ASXL1: variants seen among roughly 807,000 people sequenced by gnomAD.
ASXL1 encodes the protein polycomb group protein ASXL1.
A neutral mutation model predicts 89.1 loss-of-function variants in ASXL1; 65 were observed. That is an observed-to-expected ratio of 0.73 (90% CI 0.60 to 0.90). The LOEUF (loss-of-function observed/expected upper bound fraction) is 0.90, where lower values mean the gene tolerates loss of function less well. ASXL1 is among the 40% of genes least tolerant of loss of function. The pLI is 0.00. For synonymous variants in ASXL1, 739 were observed against 746.9 expected, an observed-to-expected ratio of 0.99 and a Z score of 0.17; for missense variants, 1,786 against 1,942.9, an observed-to-expected ratio of 0.92 and a Z score of 1.52.
At chr20:32,391,774 C>T (rs1386569969) in intron 4 of ASXL1, among the ~76,000 whole-genome samples, 3 of 152,204 alleles carry the variant, frequency 2.0e-5, no homozygotes, top group African/African-American at 7.2e-5. Context: ...CAGGTGTGAG[C>T]CACCAAGCCC....
Position 32,429,267 on chromosome 20 carries a change from G to T in ASXL1, c.472-71G>T. On this transcript the variant is annotated intron_variant, in intron 6 of 12. Coordinates refer to ENST00000375687, the MANE Select transcript of ASXL1 (RefSeq NM_015338.6). The surrounding 1 kb of genome is among the most constrained non-coding windows in gnomAD (Gnocchi z 4.9). ...TTTTACAAGAGCGTGAGTAGAGATA[G>T]TGTCGCCAGGGAATGCTTTTGTGGC... The T allele has an allele frequency of 1.4e-6, 2 of 1,431,128 alleles. No homozygotes were observed. Among genetic ancestry groups the T allele is most frequent in the Non-Finnish European group, 1.9e-6 (2 of 1,025,754 alleles). 88.7% of individuals were successfully genotyped at this position (1,431,128 alleles called of 1,614,324 possible). A position where few individuals can be genotyped will look rare whatever the true frequency, so the allele number is the denominator to read the frequency against.
chr20:32,432,736 G>A (rs2011558209), intron 10 of ASXL1, 144 bp from the exon 11 acceptor site: 1 of 1,004,772 alleles, frequency 1.0e-6, no homozygotes, highest in Non-Finnish European at 1.5e-6. Flanking sequence ...TATAGTAGAT[G>A]TGTTAGCTCT....
chr20:32,377,365 T>C (rs2048404184), intron 4 of ASXL1, among the ~76,000 whole-genome samples: 1 of 151,792 alleles, frequency 6.6e-6, no homozygotes, highest in African/African-American at 2.4e-5. Context: ...CTGGAAACAT[T>C]TGTGTGGACT....
Position 32,358,736 on chromosome 20 carries a change from G to A in ASXL1, c.-40G>A, listed in dbSNP as rs778480123. 2.3e-6 allele frequency: 3 copies of A among 1,324,966 alleles called. No individual in the cohort carries two copies. In the South Asian group the frequency reaches 3.9e-5, roughly 17 times the overall value. The allele number at this position is 1,324,966 out of a possible 1,614,324, so 82.1% of individuals were successfully genotyped here. ...CCACCGCCCCAGCCCGCCCAGCCCGGAGGTCCCGCGTGGAGCTGCCGCCGC... is the reference window on the plus strand; with the variant it reads ...CCACCGCCCCAGCCCGCCCAGCCCGAAGGTCCCGCGTGGAGCTGCCGCCGC... On this transcript the variant is annotated 5_prime_UTR_variant, in exon 1 of 13. Transcript: ENST00000375687.
intron 4 of ASXL1, among the ~76,000 whole-genome samples, chr20:32,406,681 T>A (rs753647986): frequency 6.6e-6 from 1 of 152,196 alleles, no homozygotes; most frequent in African/African-American, 2.4e-5. Flanking sequence ...GGCTCCACTC[T>A]CATCCCATGG....
intron 6 of ASXL1, chr20:32,428,786 G>A (rs1268609598): frequency 6.8e-5 from 20 of 292,832 alleles, no homozygotes; most frequent in South Asian, 4.8e-4. Context: ...TCAGCCTCCC[G>A]AGTAGCTGGG....
intron 1 of ASXL1, among the ~76,000 whole-genome samples, chr20:32,363,432 A>C (rs184180243): frequency 1.3e-5 from 2 of 152,310 alleles, no homozygotes; most frequent in African/African-American, 4.8e-5. Flanking sequence ...AGAGGTGGAT[A>C]AGGTTTGCCC....
At chr20:32,401,743 G>A (rs1270347763) in intron 4 of ASXL1, among the ~76,000 whole-genome samples, 1 of 151,892 alleles carries the variant, frequency 6.6e-6, no homozygotes, top group African/African-American at 2.4e-5. Flanking sequence ...TTTAGTTGAG[G>A]TGGGGTTTCA....
chr20:32,376,405 G>A (rs1337767478), intron 4 of ASXL1, among the ~76,000 whole-genome samples: 1 of 151,994 alleles, frequency 6.6e-6, no homozygotes, highest in Non-Finnish European at 1.5e-5. Flanking sequence ...CTCTTGAGTA[G>A]CTGGGATTAT....
In ASXL1 at chr20:32,434,849, A is replaced by G. The variant is rs1269615976; in HGVS notation, c.2137A>G (p.Met713Val). Residue 713 changes from methionine (M) to valine (V), a missense_variant, in exon 13 of 13, where the codon ATG (methionine) becomes GTG (valine). Coordinates refer to ENST00000375687, the MANE Select transcript of ASXL1 (RefSeq NM_015338.6). ...NGEHTQAGTA[M>V]SRARREDLPS... ...GGAGCATACCCAGGCCGGAACTGCC[A>G]TGTCCAGAGCTAGGAGAGAGGACCT... The G allele has an allele frequency of 6.2e-7, 1 of 1,614,180 alleles. No homozygotes were observed. Among genetic ancestry groups the G allele is most frequent in the Admixed American group, 1.7e-5 (1 of 60,030 alleles).
Position 32,432,870 on chromosome 20 carries a change from T to G in ASXL1, c.980-10T>G. ...AATGCACTTACTAGAAGAGGTTTAT[T>G]TCTCCCTAGGTGAATTTACTCATGA... is the stretch of plus-strand genomic sequence containing the variant. On this transcript the variant is annotated splice_polypyrimidine_tract_variant and intron_variant, in intron 10 of 12. Coordinates refer to ENST00000375687, the MANE Select transcript of ASXL1 (RefSeq NM_015338.6). 3 of 1,613,648 alleles carry G rather than the reference T, an allele frequency of 1.9e-6. No individual in the cohort carries two copies. Among genetic ancestry groups the G allele is most frequent in the Non-Finnish European group, 2.5e-6 (3 of 1,179,866 alleles).
rs569626880 is a variant in ASXL1, at chr20:32,398,002, A to G, written c.252+28879A>G. On this transcript the variant is annotated intron_variant, in intron 4 of 12. Transcript: ENST00000375687. ...GATGTGAAACAAATTTACCAATTGT[A>G]GTAGGGTATTTACGTATAGATCGGT... Among the ~76,000 whole-genome samples the G allele has an allele frequency of 3.3e-5, 5 of 152,356 alleles. No individual in the cohort carries two copies. In the South Asian group the frequency reaches 8.3e-4, roughly 25 times the overall value.
At chr20:32,401,231 G>T (rs77985373) in intron 4 of ASXL1, among the ~76,000 whole-genome samples, 1,686 of 152,196 alleles carry the variant, frequency 0.011, 26 homozygotes, top group African/African-American at 0.039. Context: ...GTTTTATCAC[G>T]TGTATAGATT....
intron 1 of ASXL1, chr20:32,359,926 T>C: frequency 1.4e-6 from 1 of 699,514 alleles, no homozygotes; most frequent in Non-Finnish European, 2.7e-6. Flanking sequence ...CACAGCGAGG[T>C]TGTGGTGCGG....
intron 6 of ASXL1, chr20:32,428,655 T>A: frequency 4.9e-6 from 1 of 205,776 alleles, no homozygotes. Flanking sequence ...GTTCATTCTT[T>A]TTTTTTTTTT....
At chr20:32,428,029 A>G (rs2011380102) in intron 4 of ASXL1, 99 bp from the exon 5 acceptor site, 2 of 1,547,928 alleles carry the variant, frequency 1.3e-6, no homozygotes, top group African/African-American at 1.4e-5. Flanking sequence ...TCAGTATTCT[A>G]AATCCCTCTT....
intron 4 of ASXL1, among the ~76,000 whole-genome samples, chr20:32,375,420 G>A (rs1678993411): frequency 6.6e-6 from 1 of 150,528 alleles, no homozygotes. Flanking sequence ...CTGCACTGTA[G>A]CCTGGGTGAC....
chr20:32,422,829 C>T (rs2123175589), intron 4 of ASXL1, among the ~76,000 whole-genome samples: 1 of 152,058 alleles, frequency 6.6e-6, no homozygotes, highest in Admixed American at 6.5e-5. Context: ...TTGTGATCCA[C>T]CCGCCTTGGC....
chr20:32,435,021 C>T lies in ASXL1; in HGVS notation c.2309C>T (p.Ser770Leu). The part of the protein sequence containing the change: ...QALPLLSSQT[S>L]VAERLVEQPQ... ...TTGCCCCTACTGTCCTCCCAAACCTCAGTAGCTGAGAGATTAGTGGAGCAG... is the reference window on the plus strand; with the variant it reads ...TTGCCCCTACTGTCCTCCCAAACCTTAGTAGCTGAGAGATTAGTGGAGCAG... Residue 770 changes from serine (S) to leucine (L), a missense_variant, in exon 13 of 13, where the codon TCA becomes TTA. Around this residue, in one of 3 missense-constraint regions of ASXL1, gnomAD observed 1,418 missense variants for 1,427.8 expected, o/e 0.99. Transcript: ENST00000375687. 1.9e-6 allele frequency: 3 copies of T among 1,614,184 alleles called. No homozygotes were observed. The highest frequency in any genetic ancestry group is 1.3e-5 in the African/African-American group (1 of 75,056).
Sources: gnomAD v4.1 joint callset for allele counts (sites outside exome capture counted in the v4.1 genomes callset) on GRCh38, gnomAD v4.1.1 for gene constraint, gnomAD v4.1.1 regional missense constraint, Gnocchi (gnomAD v3.1) non-coding constraint, MANE v1.5 for transcripts, NCBI Gene and HGNC (gene_info 2026-07-23, HGNC 2026-07-21) for gene names.